Variants in AKAP8L observed in about 807,000 individuals in gnomAD.
AKAP8L encodes the protein A-kinase anchoring protein 8 like, also known as A-kinase anchor protein 8-like.
AKAP8L carries 34 observed loss-of-function variants against 77.5 expected under a neutral mutation model. That is an observed-to-expected ratio of 0.44 (90% CI 0.33 to 0.58). The LOEUF is 0.58. Among genes scored for constraint, AKAP8L ranks in the 20% least tolerant of loss-of-function variants. AKAP8L has a pLI of 0.02. For missense variants in AKAP8L, 806 were observed against 887.6 expected (o/e 0.91, Z 1.17); for synonymous variants, 342 against 340.7 (o/e 1.00, Z -0.04).
intron 2 of AKAP8L, among the ~76,000 whole-genome samples, chr19:15,404,883 G>A (rs1967966210): frequency 6.6e-6 from 1 of 152,220 alleles, no homozygotes; most frequent in African/African-American, 2.4e-5. Context: ...GAGAGAACAG[G>A]CAGGCTGTCG....
chr19:15,398,188 G>A lies in AKAP8L; in HGVS notation c.1158-333C>T, dbSNP rs1477741762. The stretch of plus-strand genomic sequence containing the variant: ...CTCGCTACCAAGGCTGGGCAGGAGC[G>A]TGTGCACTTGGCCCAGGTGGGGACC... On this transcript the variant is annotated intron_variant, in intron 9 of 13. Transcript: ENST00000397410. This position sits in a 1 kb window ranked among gnomAD's most constrained non-coding sequence, Gnocchi z 9.2. 2.5e-5 allele frequency: 9 copies of A among 358,638 alleles called. No homozygotes were observed. The highest frequency in any genetic ancestry group is 4.1e-5 in the African/African-American group (2 of 48,322). 22.2% of individuals were successfully genotyped at this position (358,638 alleles called of 1,614,324 possible). A position where few individuals can be genotyped will look rare whatever the true frequency, so the allele number is the denominator to read the frequency against.
rs773836971 is a variant in AKAP8L at position 15,401,496 on chromosome 19, T to C, written c.470A>G (p.Tyr157Cys). ...SELDPEMEMAYEGQYDAYRDQ... is the reference protein window; with the variant it reads ...SELDPEMEMACEGQYDAYRDQ... ...GCGGTAGGCATCGTATTGGCCCTCA[T>C]AGGCCATTTCCATCTCAGGGTCAAG... The change falls in exon 5 of 14, where the codon TAT (tyrosine) becomes TGT (cysteine). Residue 157 changes from tyrosine (Y) to cysteine (C), a missense_variant. Transcript: ENST00000397410. This position sits in a 1 kb window ranked among gnomAD's most constrained non-coding sequence, Gnocchi z 6.2. 1.3e-5 allele frequency: 21 copies of C among 1,613,760 alleles called. No individual in the cohort carries two copies. In the Admixed American group the frequency reaches 3.2e-4, roughly 24 times the overall value.
chr19:15,416,127 TA>T (rs879285193), intron 1 of AKAP8L, among the ~76,000 whole-genome samples: 163 of 141,312 alleles, frequency 1.2e-3, no homozygotes, highest in Admixed American at 1.2e-3. Context: ...GTGCCTGATC[TA>T]AAAAAAAAAA....
In AKAP8L at chr19:15,397,260, C is replaced by T. The variant is rs1967794583; in HGVS notation, c.1426G>A (p.Val476Met). The change falls in exon 12 of 14, where the codon GTG becomes ATG. Residue 476 changes from valine to methionine, a missense_variant. This residue lies in a region of AKAP8L where 580 missense variants were observed against 694.1 expected (regional missense o/e 0.84). Coordinates refer to ENST00000397410, the MANE Select transcript of AKAP8L (RefSeq NM_014371.4). This position sits in a 1 kb window ranked among gnomAD's most constrained non-coding sequence, Gnocchi z 4.7. The part of the protein sequence containing the change: ...LTQEIAMEHF[V>M]KKVEAAHCAA... ...CAATGGGCTGCCTCCACCTTCTTCA[C>T]AAAATGCTCCATGGCAATTTCTGTA... The T allele has an allele frequency of 6.2e-7, 1 of 1,613,894 alleles. No individual in the cohort carries two copies. Among genetic ancestry groups the T allele is most frequent in the Non-Finnish European group, 8.5e-7 (1 of 1,179,902 alleles).
chr19:15,380,725 C>G, intron 12 of AKAP8L, 113 bp from the exon 13 acceptor site: 1 of 880,810 alleles, frequency 1.1e-6, no homozygotes, highest in Non-Finnish European at 1.8e-6. Context: ...CACGCACTTC[C>G]AGCCCCACCA....
chr19:15,386,252 T>C (rs1967535251), intron 12 of AKAP8L, among the ~76,000 whole-genome samples: 1 of 152,152 alleles, frequency 6.6e-6, no homozygotes, highest in African/African-American at 2.4e-5. Context: ...TAAACTAATC[T>C]ACAGTTTCAT....
At chr19:15,388,315 A>G (rs1287064155) in intron 12 of AKAP8L, among the ~76,000 whole-genome samples, 2 of 149,240 alleles carry the variant, frequency 1.3e-5, no homozygotes, top group African/African-American at 5.0e-5. Context: ...TAAGATGTCT[A>G]GTTAACAGTG....
At chr19:15,409,869 A>T (rs1254528825) in intron 2 of AKAP8L, among the ~76,000 whole-genome samples, 9 of 152,126 alleles carry the variant, frequency 5.9e-5, no homozygotes. Context: ...TCACACACTC[A>T]GCCTCTCTCC....
At chr19:15,414,247 G>A (rs1157380686) in intron 1 of AKAP8L, among the ~76,000 whole-genome samples, 1 of 151,488 alleles carries the variant, frequency 6.6e-6, no homozygotes, top group Non-Finnish European at 1.5e-5. Flanking sequence ...AGTAGAGACG[G>A]GTTTTCTCCA....
chr19:15,418,767 G>A (rs950921159), intron 1 of AKAP8L, 144 bp downstream of exon 1: 3 of 771,372 alleles, frequency 3.9e-6, no homozygotes, highest in East Asian at 5.4e-5. Context: ...GCGACCCTGA[G>A]GCGACGGGCC....
chr19:15,396,016 G>T (rs944295759), intron 12 of AKAP8L, among the ~76,000 whole-genome samples: 6 of 141,032 alleles, frequency 4.3e-5, no homozygotes, highest in African/African-American at 1.6e-4. Flanking sequence ...TCTGTTTTTG[G>T]CAAGTTCCCT....
At chr19:15,383,969 G>A (rs1318890172) in intron 12 of AKAP8L, 2 of 104,182 alleles carry the variant, frequency 1.9e-5, no homozygotes, top group African/African-American at 7.6e-5. Flanking sequence ...GTCTTGCTCT[G>A]TTGCTCAGGC....
Position 15,398,993 on chromosome 19 carries a change from C to T in AKAP8L, c.1157+309G>A, listed in dbSNP as rs1054961206. Reference sequence around the variant, plus strand: ...AGCTGGCCCCCTCCCTCAGGGGCATCAGGCCCCCAGTGCACCTTGGGGTTC... The same window carrying T: ...AGCTGGCCCCCTCCCTCAGGGGCATTAGGCCCCCAGTGCACCTTGGGGTTC... On this transcript the variant is annotated intron_variant, in intron 9 of 13. Transcript: ENST00000397410. The surrounding 1 kb of genome is among the most constrained non-coding windows in gnomAD (Gnocchi z 9.2). 20 of 404,244 alleles carry T rather than the reference C, an allele frequency of 4.9e-5. No individual in the cohort carries two copies. Among genetic ancestry groups the T allele is most frequent in the Admixed American group, 4.2e-4 (11 of 26,428 alleles). 25.0% of individuals were successfully genotyped at this position (404,244 alleles called of 1,614,324 possible). A position where few individuals can be genotyped will look rare whatever the true frequency, so the allele number is the denominator to read the frequency against.
chr19:15,406,968 T>G (rs1022222239), intron 2 of AKAP8L, among the ~76,000 whole-genome samples: 2 of 152,078 alleles, frequency 1.3e-5, no homozygotes, highest in South Asian at 4.1e-4. Flanking sequence ...TAACATAAAA[T>G]AAAGCAGGAC....
In AKAP8L at chr19:15,399,315, G is replaced by A. The variant is rs1267121368; in HGVS notation, c.1144C>T (p.Arg382Cys). 5.0e-6 allele frequency: 8 copies of A among 1,613,674 alleles called. No individual in the cohort carries two copies. Among genetic ancestry groups the A allele is most frequent in the Middle Eastern group, 1.6e-4 (1 of 6,082 alleles). ...QDKQKKRQRD[R>C]MVERIQFVCS... Reference sequence around the variant, plus strand: ...GAAGCTGGTTACCTTTCCACCATGCGGTCTCGCTGCCGCTTTTTCTGCTTG... The same window carrying A: ...GAAGCTGGTTACCTTTCCACCATGCAGTCTCGCTGCCGCTTTTTCTGCTTG... Residue 382 changes from arginine to cysteine, a missense_variant, in exon 9 of 14, where the codon CGC (arginine) becomes TGC (cysteine). Coordinates refer to ENST00000397410, the MANE Select transcript of AKAP8L (RefSeq NM_014371.4). This position sits in a 1 kb window ranked among gnomAD's most constrained non-coding sequence, Gnocchi z 6.1.
intron 2 of AKAP8L, among the ~76,000 whole-genome samples, chr19:15,407,834 C>T (rs1371375958): frequency 6.6e-6 from 1 of 152,150 alleles, no homozygotes. Flanking sequence ...TTTGATAGAT[C>T]TATAGATCCA....
In AKAP8L at chr19:15,399,101, G is replaced by A. The variant is rs1160806663; in HGVS notation, c.1157+201C>T. On this transcript the variant is annotated intron_variant, in intron 9 of 13. Transcript: ENST00000397410. The surrounding 1 kb of genome is among the most constrained non-coding windows in gnomAD (Gnocchi z 6.1). ...TCTCGGCCCACAGACGCCAGCGGTC[G>A]CCAGGCGGCCGCAGAGGGGCAGGGG... 1.0e-5 allele frequency: 6 copies of A among 592,796 alleles called. No individual in the cohort carries two copies. Among genetic ancestry groups the A allele is most frequent in the East Asian group, 2.9e-5 (1 of 34,086 alleles). The allele number at this position is 592,796 out of a possible 1,614,324, so 36.7% of individuals were successfully genotyped here. A position where few individuals can be genotyped will look rare whatever the true frequency, so the allele number is the denominator to read the frequency against.
At position 15,399,744 on chromosome 19, in the gene AKAP8L, A is replaced by G. The variant is rs1336108126; in HGVS notation, c.1049-334T>C. On this transcript the variant is annotated intron_variant, in intron 8 of 13. Transcript: ENST00000397410. The surrounding 1 kb of genome is among the most constrained non-coding windows in gnomAD (Gnocchi z 6.1). ...ATGTTCAGAGGGGCCAGGTGGTGGGATGCAGGGAGGCTGCTCACATGGCCC... is the reference window on the plus strand; with the variant it reads ...ATGTTCAGAGGGGCCAGGTGGTGGGGTGCAGGGAGGCTGCTCACATGGCCC... 1 of 366,598 alleles carries G rather than the reference A, an allele frequency of 2.7e-6. No homozygotes were observed. The allele number at this position is 366,598 out of a possible 1,614,324, so 22.7% of individuals were successfully genotyped here.
At chr19:15,400,477 G>T in intron 7 of AKAP8L, 119 bp from the exon 8 acceptor site, 1 of 1,059,756 alleles carries the variant, frequency 9.4e-7, no homozygotes, top group Non-Finnish European at 1.4e-6. Context: ...AGACAGAGCA[G>T]GGCTATCCTA....
Sources: gnomAD v4.1 joint callset for allele counts (sites outside exome capture counted in the v4.1 genomes callset) on GRCh38, gnomAD v4.1.1 for gene constraint, gnomAD v4.1.1 regional missense constraint, Gnocchi (gnomAD v3.1) non-coding constraint, MANE v1.5 for transcripts, NCBI Gene and HGNC (gene_info 2026-07-23, HGNC 2026-07-21) for gene names.